CNTNAP2: variants seen among roughly 807,000 people sequenced by gnomAD.
CNTNAP2 encodes contactin-associated protein-like 2.
Under a neutral mutation model 155.2 loss-of-function variants are expected in CNTNAP2, and 98 were observed. That is an observed-to-expected ratio of 0.63 (90% CI 0.54 to 0.75). CNTNAP2 has a LOEUF of 0.75. Among genes scored for constraint, CNTNAP2 ranks in the 30% least tolerant of loss-of-function variants. The probability of loss-of-function intolerance (pLI) is 0.00; values close to 1 mark genes in which losing one functional copy is unlikely to be tolerated. For missense variants in CNTNAP2, 1,727 were observed against 1,688.1 expected (o/e 1.02, Z -0.40); for synonymous variants, 651 against 631.2 (o/e 1.03, Z -0.47).
chr7:148,006,468 C>T (rs565132431), intron 15 of CNTNAP2, among the ~76,000 whole-genome samples: 8 of 151,690 alleles, frequency 5.3e-5, no homozygotes, highest in East Asian at 1.9e-4. Context: ...TACAAGCATG[C>T]GCCACCACGC....
chr7:147,324,907 ATGCATTGTTAAAATTCAC>A, intron 9 of CNTNAP2, among the ~76,000 whole-genome samples: 1 of 152,308 alleles, frequency 6.6e-6, no homozygotes, highest in Middle Eastern at 3.4e-3. Context: ...ACTAGGAAAA[ATGCATTGTTAAAATTCAC>A]TGCATGCCTG....
intron 3 of CNTNAP2, among the ~76,000 whole-genome samples, chr7:146,974,341 G>C (rs766101229): frequency 7.9e-5 from 12 of 151,920 alleles, no homozygotes; most frequent in Non-Finnish European, 1.5e-4. Context: ...AGGAGGCTGA[G>C]GCAGGAGAAT....
intron 13 of CNTNAP2, among the ~76,000 whole-genome samples, chr7:147,699,598 A>G (rs1269629463): frequency 6.6e-6 from 1 of 151,972 alleles, no homozygotes; most frequent in Non-Finnish European, 1.5e-5. Flanking sequence ...TTAAAATATA[A>G]TAAATAAATA....
intron 1 of CNTNAP2, among the ~76,000 whole-genome samples, chr7:146,663,405 T>G (rs1458551835): frequency 6.6e-6 from 1 of 152,010 alleles, no homozygotes; most frequent in Non-Finnish European, 1.5e-5. Flanking sequence ...ATCCCTTGCT[T>G]TTCCATATAA....
chr7:146,164,235 A>G (rs557608077), intron 1 of CNTNAP2, among the ~76,000 whole-genome samples: 49 of 151,266 alleles, frequency 3.2e-4, no homozygotes, highest in East Asian at 1.7e-3. Flanking sequence ...GCCCTATTAA[A>G]TATGTTCTAA....
At chr7:146,812,979 T>C (rs1003533593) in intron 2 of CNTNAP2, among the ~76,000 whole-genome samples, 4 of 152,122 alleles carry the variant, frequency 2.6e-5, no homozygotes, top group Non-Finnish European at 5.9e-5. Context: ...TTCCAGGTAA[T>C]GTTGGTGCAC....
chr7:147,480,246 G>T (rs1379381407), intron 10 of CNTNAP2, among the ~76,000 whole-genome samples: 1 of 152,146 alleles, frequency 6.6e-6, no homozygotes, highest in East Asian at 1.9e-4. Flanking sequence ...ATTTATACTG[G>T]AATAATAACT....
At chr7:147,246,689 G>T (rs1362470512) in intron 8 of CNTNAP2, among the ~76,000 whole-genome samples, 1 of 152,136 alleles carries the variant, frequency 6.6e-6, no homozygotes, top group Non-Finnish European at 1.5e-5. Flanking sequence ...CAAACATTCA[G>T]ATCATAGCAG....
chr7:146,373,589 G>A (rs912971053), intron 1 of CNTNAP2, among the ~76,000 whole-genome samples: 1 of 151,980 alleles, frequency 6.6e-6, no homozygotes, highest in African/African-American at 2.4e-5. Flanking sequence ...AAAGGATGGA[G>A]TATATGAAGC....
chr7:147,450,785 G>T (rs576141056), intron 10 of CNTNAP2, among the ~76,000 whole-genome samples: 1 of 152,092 alleles, frequency 6.6e-6, no homozygotes, highest in Non-Finnish European at 1.5e-5. Flanking sequence ...TACTATTCTT[G>T]TATAAAGATG....
intron 1 of CNTNAP2, among the ~76,000 whole-genome samples, chr7:146,238,181 A>G (rs1799504534): frequency 6.6e-6 from 1 of 152,222 alleles, no homozygotes; most frequent in South Asian, 2.1e-4. Context: ...TCTGCTATAA[A>G]TATTTTCATA....
intron 15 of CNTNAP2, among the ~76,000 whole-genome samples, chr7:148,069,665 C>T (rs538891212): frequency 1.3e-5 from 2 of 150,064 alleles, no homozygotes; most frequent in African/African-American, 4.9e-5. Context: ...GAGGCTGAGA[C>T]AGGAGAATGG....
rs543863704 is a variant in CNTNAP2, at chr7:147,095,924, C to T, written c.551-12223C>T. 3.9e-5 allele frequency among the ~76,000 whole-genome samples: 6 copies of T among 152,314 alleles called. No homozygotes were observed. In the South Asian group the frequency reaches 1.0e-3, roughly 26 times the overall value. On this transcript the variant is annotated intron_variant, in intron 4 of 23. Coordinates refer to ENST00000361727, the MANE Select transcript of CNTNAP2 (RefSeq NM_014141.6). ...CAAAACGACAGGCAGCTTCTCCCTT[C>T]ATATGGGTCCTGACAGATGAGCCTT...
intron 11 of CNTNAP2, among the ~76,000 whole-genome samples, chr7:147,524,717 TG>T (rs1799287691): frequency 6.6e-6 from 1 of 152,186 alleles, no homozygotes; most frequent in Non-Finnish European, 1.5e-5. Flanking sequence ...GACATTTTCT[TG>T]TAAGTTAGTG....
intron 13 of CNTNAP2, among the ~76,000 whole-genome samples, chr7:147,730,153 G>C (rs1796713841): frequency 1.3e-5 from 2 of 152,026 alleles, no homozygotes; most frequent in South Asian, 4.1e-4. Context: ...GATCTTTTGA[G>C]GTAAAGGATT....
At chr7:147,861,315 T>C (rs886720415) in intron 13 of CNTNAP2, among the ~76,000 whole-genome samples, 1 of 152,210 alleles carries the variant, frequency 6.6e-6, no homozygotes, top group Non-Finnish European at 1.5e-5. Context: ...TATGAATCAT[T>C]ATATTAGTGT....
intron 3 of CNTNAP2, among the ~76,000 whole-genome samples, chr7:146,945,740 A>G (rs1376610197): frequency 2.0e-5 from 3 of 152,176 alleles, no homozygotes; most frequent in Non-Finnish European, 4.4e-5. Context: ...CATACTATTA[A>G]TAATAATGTT....
chr7:146,208,328 A>T (rs1205218370), intron 1 of CNTNAP2, among the ~76,000 whole-genome samples: 1 of 152,132 alleles, frequency 6.6e-6, no homozygotes, highest in Admixed American at 6.6e-5. Context: ...CCTGTGAAAA[A>T]AAAAATTACT....
chr7:147,975,783 C>T (rs1801417719), intron 14 of CNTNAP2, among the ~76,000 whole-genome samples: 1 of 152,066 alleles, frequency 6.6e-6, no homozygotes, highest in South Asian at 2.1e-4. Context: ...TGGTCCCTTC[C>T]CAAACCCCTT....
Sources: allele counts gnomAD v4.1 joint callset (sites outside exome capture counted in the v4.1 genomes callset), GRCh38; gene constraint gnomAD v4.1.1; transcripts MANE v1.5; gene names NCBI Gene and HGNC (gene_info 2026-07-23, HGNC 2026-07-21).